The following SNX27 variants were observed in gnomAD, a reference collection of about 807,000 sequenced individuals.
SNX27 encodes sorting nexin 27.
Under a neutral mutation model 71.6 loss-of-function variants are expected in SNX27, and 22 were observed. That is an observed-to-expected ratio of 0.31 (90% CI 0.22 to 0.44). The LOEUF is 0.44. Among genes scored for constraint, SNX27 ranks in the 20% least tolerant of loss-of-function variants. The pLI, the probability that SNX27 is intolerant of heterozygous loss-of-function variation, is 1.00. For synonymous variants in SNX27, 269 were observed against 277.2 expected, an observed-to-expected ratio of 0.97 and a Z score of 0.29; for missense variants, 531 against 698.6, an observed-to-expected ratio of 0.76 and a Z score of 2.70.
intron 8 of SNX27, among the ~76,000 whole-genome samples, chr1:151,689,463 G>A (rs981328455): frequency 6.6e-6 from 1 of 152,158 alleles, no homozygotes; most frequent in Admixed American, 6.5e-5. Flanking sequence ...AGAGCTCCAC[G>A]CTTCTTCTGA....
chr1:151,652,202 C>T (rs1269439315), intron 2 of SNX27, among the ~76,000 whole-genome samples: 2 of 41,104 alleles, frequency 4.9e-5, no homozygotes, highest in African/African-American at 1.6e-4. Flanking sequence ...AGAGGGAGAC[C>T]GTGGGGAGAG....
intron 1 of SNX27, among the ~76,000 whole-genome samples, chr1:151,638,070 T>C (rs1668550937): frequency 6.6e-6 from 1 of 152,242 alleles, no homozygotes; most frequent in Non-Finnish European, 1.5e-5. Flanking sequence ...CTTGACAAAA[T>C]ACTTCATCTA....
intron 1 of SNX27, among the ~76,000 whole-genome samples, chr1:151,618,810 C>T (rs975067724): frequency 2.0e-5 from 3 of 152,202 alleles, no homozygotes; most frequent in African/African-American, 4.8e-5. Context: ...TAGGTTAGAG[C>T]CATTTAGGTT....
intron 5 of SNX27, chr1:151,662,824 G>C (rs2102684989): frequency 6.6e-6 from 1 of 152,100 alleles, no homozygotes; most frequent in East Asian, 1.9e-4. Context: ...TAACACACAT[G>C]AAAACAGAAT....
rs1332783663 is a variant in SNX27, at chr1:151,625,128, T to C, written c.311+12616T>C. Among the ~76,000 whole-genome samples the C allele has an allele frequency of 3.9e-5, 6 of 152,218 alleles. 1 individual carries two copies. Among genetic ancestry groups the C allele is most frequent in the Admixed American group, 3.9e-4 (6 of 15,282 alleles). ...GATGCCAATTAACATACTTCTCAGT[T>C]TCTCAGCTTTGCCAGGGGCAAACTT... is the stretch of plus-strand genomic sequence containing the variant. On this transcript the variant is annotated intron_variant, in intron 1 of 11. Coordinates refer to ENST00000458013, the MANE Select transcript of SNX27 (RefSeq NM_001330723.2).
At chr1:151,644,508 C>T (rs1208811883) in intron 2 of SNX27, among the ~76,000 whole-genome samples, 2 of 152,152 alleles carry the variant, frequency 1.3e-5, no homozygotes, top group African/African-American at 2.4e-5. Context: ...TTTTATTTAT[C>T]CATTCTTCAA....
chr1:151,637,825 A>G (rs1046663576), intron 1 of SNX27, among the ~76,000 whole-genome samples: 4 of 152,248 alleles, frequency 2.6e-5, no homozygotes, highest in African/African-American at 9.6e-5. Flanking sequence ...TCAGGAAGGA[A>G]AATCCCTAAT....
intron 2 of SNX27, among the ~76,000 whole-genome samples, chr1:151,653,040 GC>G (rs1669491129): frequency 6.6e-6 from 1 of 150,742 alleles, no homozygotes; most frequent in Non-Finnish European, 1.5e-5. Context: ...CAGTTCTCCT[GC>G]CTCAGCCTCC....
chr1:151,684,631 G>C (rs1031636759), intron 8 of SNX27, among the ~76,000 whole-genome samples: 4 of 152,084 alleles, frequency 2.6e-5, no homozygotes, highest in Non-Finnish European at 5.9e-5. Flanking sequence ...TTACGATGGG[G>C]TTACATCCCA....
intron 1 of SNX27, 151 bp from the exon 2 acceptor site, chr1:151,638,737 T>C: frequency 2.8e-6 from 2 of 715,214 alleles, no homozygotes; most frequent in South Asian, 3.8e-5. Flanking sequence ...TAGAAACTGT[T>C]AAAACATAAA....
At position 151,641,845 on chromosome 1, in the gene SNX27, A is replaced by AGATATATATATCAGCTATAGATATATAT. The variant is rs1241538213; in HGVS notation, c.543+2757_543+2784dup. Among the ~76,000 whole-genome samples, 68 of 140,264 alleles carry AGATATATATATCAGCTATAGATATATAT rather than the reference A, an allele frequency of 4.8e-4. 2 individuals are homozygous for AGATATATATATCAGCTATAGATATATAT. The highest frequency in any genetic ancestry group is 1.6e-3 in the African/African-American group (61 of 37,632). 92.0% of individuals were successfully genotyped at this position (140,264 alleles called of 152,430 possible). A position where few individuals can be genotyped will look rare whatever the true frequency, so the allele number is the denominator to read the frequency against. On this transcript the variant is annotated intron_variant, in intron 2 of 11. Coordinates refer to ENST00000458013, the MANE Select transcript of SNX27 (RefSeq NM_001330723.2). ...TATATGTCAGCTATAGATATATATG[A>AGATATATATATCAGCTATAGATATATAT]GATATATATATCAGCTATAGATATA...
At chr1:151,662,452 T>C (rs552807164) in intron 5 of SNX27, 182 bp downstream of exon 5, 5 of 400,144 alleles carry the variant, frequency 1.2e-5, no homozygotes, top group African/African-American at 8.2e-5. Flanking sequence ...AAAGGTACGG[T>C]AAATATCCCA....
intron 2 of SNX27, among the ~76,000 whole-genome samples, chr1:151,648,039 TTTTTTTG>T (rs905853962): frequency 2.4e-4 from 36 of 151,382 alleles, no homozygotes; most frequent in African/African-American, 5.6e-4. Context: ...AGAGTCGGGG[TTTTTTTG>T]TTTTTTGTTT....
intron 7 of SNX27, among the ~76,000 whole-genome samples, chr1:151,675,299 C>G (rs1442837738): frequency 6.6e-6 from 1 of 152,020 alleles, no homozygotes; most frequent in Non-Finnish European, 1.5e-5. Flanking sequence ...AGAGTTGATA[C>G]TTGTTTTTAA....
At chr1:151,614,943 G>T (rs1373681229) in intron 1 of SNX27, among the ~76,000 whole-genome samples, 1 of 152,098 alleles carries the variant, frequency 6.6e-6, no homozygotes, top group Non-Finnish European at 1.5e-5. Flanking sequence ...TGCCTTTATT[G>T]TGGCTTCTGC....
intron 1 of SNX27, among the ~76,000 whole-genome samples, chr1:151,615,501 A>G (rs1337818964): frequency 6.6e-6 from 1 of 152,082 alleles, no homozygotes; most frequent in Non-Finnish European, 1.5e-5. Context: ...GGTTGATGCT[A>G]ATTTTCCTAA....
chr1:151,651,777 G>A (rs868847309), intron 2 of SNX27, among the ~76,000 whole-genome samples: 100 of 151,898 alleles, frequency 6.6e-4, no homozygotes, highest in African/African-American at 2.3e-3. Flanking sequence ...AGGCAGAGAC[G>A]CTCCTCACTT....
At chr1:151,627,555 T>G (rs933361236) in intron 1 of SNX27, among the ~76,000 whole-genome samples, 5 of 152,210 alleles carry the variant, frequency 3.3e-5, no homozygotes, top group Admixed American at 6.5e-5. Context: ...TTAAAATATT[T>G]GCATATATTA....
At position 151,612,158 on chromosome 1, in the gene SNX27, C is replaced by T; in HGVS notation, c.-44C>T. On this transcript the variant is annotated 5_prime_UTR_variant, in exon 1 of 12. Transcript: ENST00000458013. This position sits in a 1 kb window ranked among gnomAD's most constrained non-coding sequence, Gnocchi z 5.2. ...GCAGGGCGAGCACGCGCCGGGAGGC[C>T]TTGGAGGCGTAGGGGGCGGGGGTAC... is the stretch of plus-strand genomic sequence containing the variant. 1.5e-6 allele frequency: 2 copies of T among 1,303,162 alleles called. No individual in the cohort carries two copies. The highest frequency in any genetic ancestry group is 2.0e-6 in the Non-Finnish European group (2 of 1,024,586). The allele number at this position is 1,303,162 out of a possible 1,614,324, so 80.7% of individuals were successfully genotyped here.
Sources: gnomAD v4.1 joint callset for allele counts (sites outside exome capture counted in the v4.1 genomes callset) on GRCh38, gnomAD v4.1.1 for gene constraint, Gnocchi (gnomAD v3.1) non-coding constraint, MANE v1.5 for transcripts, NCBI Gene and HGNC (gene_info 2026-07-23, HGNC 2026-07-21) for gene names.